Variants in COTL1 observed in about 807,000 individuals in gnomAD.
COTL1 encodes the protein coactosin-like protein.
In COTL1, 15 loss-of-function variants were observed where a neutral mutation model predicts 16.5. That is an observed-to-expected ratio of 0.91 (90% CI 0.61 to 1.40). The LOEUF is 1.40. Among genes scored for constraint, COTL1 ranks in the 40% most tolerant of loss-of-function variants. The pLI, the probability that COTL1 is intolerant of heterozygous loss-of-function variation, is 0.00. For missense variants in COTL1, 220 were observed against 201.5 expected (o/e 1.09, Z -0.56); for synonymous variants, 112 against 85.3 (o/e 1.31, Z -1.73).
intron 2 of COTL1, among the ~76,000 whole-genome samples, chr16:84,594,179 G>T (rs1254644191): frequency 6.7e-6 from 1 of 149,388 alleles, no homozygotes; most frequent in East Asian, 1.9e-4. Flanking sequence ...TGCATCAGTT[G>T]ATAGACATTT....
Position 84,605,796 on chromosome 16 carries a change from G to C in COTL1, c.160+11705C>G, listed in dbSNP as rs141568414. 3.9e-5 allele frequency among the ~76,000 whole-genome samples: 6 copies of C among 152,354 alleles called. No homozygotes were observed. In the East Asian group the frequency reaches 1.2e-3, roughly 29 times the overall value. ...GAGGCTCATGTCAGACTTTTGACTT[G>C]CAGAACTATAAGATGATGCATTTAT... On this transcript the variant is annotated intron_variant, in intron 2 of 3. Transcript: ENST00000262428.
At chr16:84,605,521 T>C (rs975960522) in intron 2 of COTL1, among the ~76,000 whole-genome samples, 2 of 152,198 alleles carry the variant, frequency 1.3e-5, no homozygotes, top group African/African-American at 4.8e-5. Flanking sequence ...GAGATTCTCC[T>C]GGGTTATCTG....
At chr16:84,605,262 G>C (rs1905189236) in intron 2 of COTL1, among the ~76,000 whole-genome samples, 1 of 152,200 alleles carries the variant, frequency 6.6e-6, no homozygotes, top group Non-Finnish European at 1.5e-5. Flanking sequence ...GTCAGGAGTG[G>C]GGGCGAGAAG....
chr16:84,573,069 G>C (rs1387132841), intron 3 of COTL1, among the ~76,000 whole-genome samples: 2 of 152,136 alleles, frequency 1.3e-5, no homozygotes, highest in Non-Finnish European at 2.9e-5. Flanking sequence ...TTTTCAATTT[G>C]CTACTAGCCA....
rs1474647887 is a variant in COTL1, at chr16:84,565,616, A to T, written c.*1229T>A. ...AACTGTTTTCTGAAAAACAAAAAAA[A>T]CATTTATTTCTGTAAACTGTCTGAG... is the stretch of plus-strand genomic sequence containing the variant. On this transcript the variant is annotated 3_prime_UTR_variant, in exon 4 of 4. Transcript: ENST00000262428. The T allele has an allele frequency of 6.6e-6, 1 of 152,620 alleles. No individual in the cohort carries two copies. Among genetic ancestry groups the T allele is most frequent in the Non-Finnish European group, 1.5e-5 (1 of 68,044 alleles). 9.5% of individuals were successfully genotyped at this position (152,620 alleles called of 1,614,324 possible). A position where few individuals can be genotyped will look rare whatever the true frequency, so the allele number is the denominator to read the frequency against.
chr16:84,582,020 C>T (rs1904608207), intron 3 of COTL1, among the ~76,000 whole-genome samples: 1 of 111,874 alleles, frequency 8.9e-6, no homozygotes, highest in Non-Finnish European at 1.7e-5. Flanking sequence ...GAGTCTTGCT[C>T]TGTTGCCCAG....
At chr16:84,604,787 T>C (rs1905179182) in intron 2 of COTL1, among the ~76,000 whole-genome samples, 1 of 152,148 alleles carries the variant, frequency 6.6e-6, no homozygotes, top group African/African-American at 2.4e-5. Context: ...CCAGGTTCTT[T>C]TCACCCCTCC....
intron 3 of COTL1, among the ~76,000 whole-genome samples, chr16:84,582,050 A>G (rs1260671153): frequency 1.4e-5 from 2 of 138,342 alleles, no homozygotes; most frequent in Non-Finnish European, 3.1e-5. Context: ...CAGTGGTGCA[A>G]TCTCTCGGCT....
At chr16:84,605,015 A>G (rs1190670371) in intron 2 of COTL1, among the ~76,000 whole-genome samples, 2 of 152,238 alleles carry the variant, frequency 1.3e-5, no homozygotes, top group Non-Finnish European at 2.9e-5. Context: ...AGGAGGGAAC[A>G]CTCGGGTTCA....
At chr16:84,567,977 A>G (rs1168247357) in intron 3 of COTL1, 1 of 151,936 alleles carries the variant, frequency 6.6e-6, no homozygotes, top group East Asian at 1.9e-4. Flanking sequence ...AAAAAAGCCC[A>G]TAAGGAAATA....
intron 3 of COTL1, among the ~76,000 whole-genome samples, chr16:84,582,110 CCTGAGTAGCTGGTAG>C (rs1190261588): frequency 6.6e-6 from 1 of 151,460 alleles, no homozygotes; most frequent in Admixed American, 6.6e-5. Flanking sequence ...GCCTCAGCCT[CCTGAGTAGCTGGTAG>C]CTGGGATTAC....
At chr16:84,587,004 G>A (rs183688811) in intron 3 of COTL1, among the ~76,000 whole-genome samples, 7 of 152,218 alleles carry the variant, frequency 4.6e-5, no homozygotes, top group Non-Finnish European at 1.0e-4. Flanking sequence ...CTTTCCTCCC[G>A]GCGACGTCCA....
intron 2 of COTL1, among the ~76,000 whole-genome samples, chr16:84,604,283 C>A (rs1353173173): frequency 5.7e-5 from 6 of 105,848 alleles, no homozygotes; most frequent in Non-Finnish European, 9.8e-5. Flanking sequence ...ACAGCCCTCA[C>A]CCCCTGCTCT....
At chr16:84,614,824 A>C (rs983094540) in intron 2 of COTL1, among the ~76,000 whole-genome samples, 1 of 152,136 alleles carries the variant, frequency 6.6e-6, no homozygotes, top group Non-Finnish European at 1.5e-5. Context: ...TGCAACCTGC[A>C]AGCAATCCCA....
chr16:84,616,574 T>G (rs1905490858), intron 2 of COTL1: 1 of 152,028 alleles, frequency 6.6e-6, no homozygotes, highest in Non-Finnish European at 1.5e-5. Flanking sequence ...CGCCGTAACC[T>G]CCGGGCTGTG....
At chr16:84,591,830 A>ATAAC (rs1904874620) in intron 2 of COTL1, among the ~76,000 whole-genome samples, 1 of 89,418 alleles carries the variant, frequency 1.1e-5, no homozygotes, top group African/African-American at 6.1e-5. Flanking sequence ...TCTCAAATAA[A>ATAAC]ATAAAATAAA....
intron 3 of COTL1, chr16:84,568,326 C>T (rs146934715): frequency 5.5e-4 from 83 of 152,280 alleles, no homozygotes; most frequent in African/African-American, 1.5e-3. Context: ...CTTATGTGTA[C>T]CAGCACAGTG....
intron 3 of COTL1, among the ~76,000 whole-genome samples, chr16:84,582,822 G>A (rs1191166443): frequency 6.6e-6 from 1 of 151,958 alleles, no homozygotes; most frequent in Non-Finnish European, 1.5e-5. Flanking sequence ...ATAAATACCT[G>A]CCCAAAGTCC....
chr16:84,595,605 G>A (rs1355379678), intron 2 of COTL1: 2 of 152,228 alleles, frequency 1.3e-5, no homozygotes, highest in African/African-American at 2.4e-5. Flanking sequence ...CACATCAGCA[G>A]TGGGGAGCCC....
Sources: gnomAD v4.1 joint callset for allele counts (sites outside exome capture counted in the v4.1 genomes callset) on GRCh38, gnomAD v4.1.1 for gene constraint, MANE v1.5 for transcripts, NCBI Gene and HGNC (gene_info 2026-07-23, HGNC 2026-07-21) for gene names.